The following PTPRD variants were observed in gnomAD, a reference collection of about 807,000 sequenced individuals.
The protein encoded by PTPRD is receptor-type tyrosine-protein phosphatase delta.
In PTPRD, 34 loss-of-function variants were observed where a neutral mutation model predicts 214.5. The ratio of observed to expected loss-of-function variants is 0.16; its 90% CI spans 0.12 to 0.21. The LOEUF (loss-of-function observed/expected upper bound fraction) is 0.21. Among genes scored for constraint, PTPRD ranks in the 10% least tolerant of loss-of-function variants. The probability of loss-of-function intolerance (pLI) is 1.00; values close to 1 mark genes in which losing one functional copy is unlikely to be tolerated. For synonymous variants in PTPRD, 1,128 were observed against 845.7 expected (o/e 1.33, Z -5.79); for missense variants, 2,545 against 2,398.7 (o/e 1.06, Z -1.27).
chr9:10,391,989 C>A (rs2098077009), intron 2 of PTPRD, among the ~76,000 whole-genome samples: 1 of 151,814 alleles, frequency 6.6e-6, no homozygotes, highest in African/African-American at 2.4e-5. Flanking sequence ...GTTGGCAAAA[C>A]CTTCCTTAAA....
At chr9:8,734,735 G>C (rs995188554) in intron 11 of PTPRD, among the ~76,000 whole-genome samples, 7 of 152,196 alleles carry the variant, frequency 4.6e-5, no homozygotes, top group African/African-American at 1.7e-4. Context: ...TATTATTTTT[G>C]TTTCCAGATT....
rs555163885 is a variant in PTPRD at position 10,583,915 on chromosome 9, G to T, written c.-600+28483C>A. ...GTTAATGTCTAGAAACCTCAGAGAA[G>T]ACTACTTTAGGTAATGTCTACCTTT... is the stretch of plus-strand genomic sequence containing the variant. On this transcript the variant is annotated intron_variant, in intron 2 of 45. Coordinates refer to ENST00000381196, the MANE Select transcript of PTPRD (RefSeq NM_002839.4). Among the ~76,000 whole-genome samples the T allele has an allele frequency of 1.2e-3, 178 of 152,222 alleles. 1 individual carries two copies. The highest frequency in any genetic ancestry group is 4.1e-3 in the African/African-American group (172 of 41,544).
At chr9:9,639,594 T>C (rs917640270) in intron 7 of PTPRD, among the ~76,000 whole-genome samples, 1 of 152,238 alleles carries the variant, frequency 6.6e-6, no homozygotes, top group African/African-American at 2.4e-5. Context: ...TCTCTCATTC[T>C]ATAAAGATCA....
At chr9:9,950,303 G>T (rs1267960100) in intron 4 of PTPRD, among the ~76,000 whole-genome samples, 2 of 152,180 alleles carry the variant, frequency 1.3e-5, no homozygotes, top group Non-Finnish European at 2.9e-5. Flanking sequence ...GTGCAATGTA[G>T]AAGTGTGGGG....
At chr9:9,629,629 T>C (rs982524048) in intron 7 of PTPRD, among the ~76,000 whole-genome samples, 11 of 152,150 alleles carry the variant, frequency 7.2e-5, no homozygotes, top group Admixed American at 6.6e-4. Flanking sequence ...GAGTGACAGA[T>C]CAGATAACTT....
At chr9:8,560,927 T>TAA (rs57799552) in intron 14 of PTPRD, among the ~76,000 whole-genome samples, 33 of 141,170 alleles carry the variant, frequency 2.3e-4, no homozygotes, top group Admixed American at 1.9e-3. Context: ...GGCATTCCTT[T>TAA]AAAAAAAAAA....
intron 11 of PTPRD, among the ~76,000 whole-genome samples, chr9:8,844,058 A>T (rs1385491724): frequency 1.3e-5 from 2 of 152,174 alleles, no homozygotes; most frequent in Non-Finnish European, 2.9e-5. Context: ...GTTCTCTCTC[A>T]TCCAGACGTA....
rs190632545 is a variant in PTPRD at position 9,339,680 on chromosome 9, T to A, written c.-203+57769A>T. On this transcript the variant is annotated intron_variant, in intron 9 of 45. Coordinates refer to ENST00000381196, the MANE Select transcript of PTPRD (RefSeq NM_002839.4). ...ATCAACTTAATTACCAAGAAACACTTAGAATAGCTACTGAATATTTGCTTA... is the reference window on the plus strand; with the variant it reads ...ATCAACTTAATTACCAAGAAACACTAAGAATAGCTACTGAATATTTGCTTA... 1.6e-3 allele frequency among the ~76,000 whole-genome samples: 249 copies of A among 152,232 alleles called. 1 individual carries two copies. The highest frequency in any genetic ancestry group is 5.4e-3 in the African/African-American group (225 of 41,544).
intron 5 of PTPRD, among the ~76,000 whole-genome samples, chr9:9,814,560 T>G: frequency 6.6e-6 from 1 of 152,080 alleles, no homozygotes; most frequent in South Asian, 2.1e-4. Flanking sequence ...GATAAAATAC[T>G]TATGAATAAA....
At chr9:10,030,867 A>T (rs1053922483) in intron 4 of PTPRD, among the ~76,000 whole-genome samples, 4 of 152,202 alleles carry the variant, frequency 2.6e-5, no homozygotes, top group Non-Finnish European at 5.9e-5. Context: ...AGCAACCTTG[A>T]ACTTTGAGTA....
chr9:8,678,249 C>G (rs2097476136), intron 12 of PTPRD, among the ~76,000 whole-genome samples: 1 of 152,210 alleles, frequency 6.6e-6, no homozygotes, highest in African/African-American at 2.4e-5. Context: ...ACCACCCTCA[C>G]TGTCCTTACG....
At chr9:8,850,343 T>C (rs550570755) in intron 11 of PTPRD, among the ~76,000 whole-genome samples, 65 of 152,172 alleles carry the variant, frequency 4.3e-4, no homozygotes, top group Non-Finnish European at 8.4e-4. Flanking sequence ...AAAGGGGATA[T>C]AGATAAAATG....
intron 12 of PTPRD, among the ~76,000 whole-genome samples, chr9:8,705,720 C>G (rs551492604): frequency 5.9e-5 from 9 of 152,090 alleles, no homozygotes; most frequent in Non-Finnish European, 8.8e-5. Context: ...ACATACATGT[C>G]TTGGTAGAAA....
intron 27 of PTPRD, 95 bp from the exon 28 acceptor site, chr9:8,486,444 C>T: frequency 9.1e-7 from 1 of 1,093,384 alleles, no homozygotes; most frequent in Non-Finnish European, 1.4e-6. Context: ...ACTGGTATTC[C>T]CATTTTCTTA....
intron 3 of PTPRD, among the ~76,000 whole-genome samples, chr9:10,129,956 C>T (rs2098847228): frequency 6.6e-6 from 1 of 151,822 alleles, no homozygotes; most frequent in African/African-American, 2.4e-5. Context: ...TATTCTTTCC[C>T]TTCACAGTAT....
intron 12 of PTPRD, among the ~76,000 whole-genome samples, chr9:8,712,618 G>A (rs1597690366): frequency 6.6e-6 from 1 of 151,676 alleles, no homozygotes; most frequent in African/African-American, 2.4e-5. Context: ...TTCCAGCAGG[G>A]GATAATTTAT....
At chr9:10,084,950 T>C (rs1248212891) in intron 3 of PTPRD, among the ~76,000 whole-genome samples, 1 of 151,904 alleles carries the variant, frequency 6.6e-6, no homozygotes, top group Non-Finnish European at 1.5e-5. Context: ...CACAGGATGA[T>C]AGCATGAAGG....
chr9:9,865,507 C>A (rs1333595018), intron 5 of PTPRD, among the ~76,000 whole-genome samples: 2 of 152,194 alleles, frequency 1.3e-5, no homozygotes, highest in Non-Finnish European at 2.9e-5. Context: ...AGTGTCCCCA[C>A]AAGCAAGAAG....
At chr9:9,520,821 C>A (rs1209874510) in intron 8 of PTPRD, among the ~76,000 whole-genome samples, 3 of 152,094 alleles carry the variant, frequency 2.0e-5, no homozygotes, top group African/African-American at 7.2e-5. Flanking sequence ...GTCGTAGAAT[C>A]AAGGGTTTAG....
Sources: gnomAD v4.1 joint callset for allele counts (sites outside exome capture counted in the v4.1 genomes callset) on GRCh38, gnomAD v4.1.1 for gene constraint, MANE v1.5 for transcripts, NCBI Gene and HGNC (gene_info 2026-07-23, HGNC 2026-07-21) for gene names.